TOGARAM2: variants seen among roughly 807,000 people sequenced by gnomAD.
TOGARAM2 encodes TOG array regulator of axonemal microtubules 2.
TOGARAM2 carries 85 observed loss-of-function variants against 93.3 expected under a neutral mutation model. That is an observed-to-expected ratio of 0.91 (90% CI 0.76 to 1.09). TOGARAM2 has a LOEUF of 1.09. TOGARAM2 is among the 50% of genes least tolerant of loss of function. The pLI is 0.00. For missense variants in TOGARAM2, 1,277 were observed against 1,334.5 expected, an observed-to-expected ratio of 0.96 and a Z score of 0.67; for synonymous variants, 593 against 552.8, an observed-to-expected ratio of 1.07 and a Z score of -1.02.
intron 1 of TOGARAM2, among the ~76,000 whole-genome samples, chr2:28,958,486 T>TGTAGA (rs1671757082): frequency 6.6e-6 from 1 of 152,082 alleles, no homozygotes; most frequent in Non-Finnish European, 1.5e-5. Context: ...TTAAATTTTT[T>TGTAGA]GTAGAGTTGG....
At chr2:29,041,601 CAG>C (rs1458320913) in intron 18 of TOGARAM2, among the ~76,000 whole-genome samples, 1 of 152,194 alleles carries the variant, frequency 6.6e-6, no homozygotes, top group Non-Finnish European at 1.5e-5. Context: ...CTGGTAGCCT[CAG>C]GGCTTGGCTG....
In TOGARAM2 at chr2:29,024,403, G is replaced by A. The variant is rs186590906; in HGVS notation, c.1853+29G>A. 124 of 1,572,908 alleles carry A rather than the reference G, an allele frequency of 7.9e-5. 1 individual carries two copies. In the African/African-American group the frequency reaches 1.3e-3, roughly 17 times the overall value. ...TGTGGCTGCCTGTTGTCTGAGGGGC[G>A]GGGAAGTCAGGGAAGGTAAGGCAAG... On this transcript the variant is annotated intron_variant, in intron 13 of 19. Coordinates refer to ENST00000379558, the MANE Select transcript of TOGARAM2 (RefSeq NM_199280.4).
At chr2:28,958,773 T>A (rs757908212) in intron 1 of TOGARAM2, among the ~76,000 whole-genome samples, 19 of 152,208 alleles carry the variant, frequency 1.2e-4, no homozygotes, top group Admixed American at 3.3e-4. Flanking sequence ...AGAAGTATAA[T>A]ACAAACGTCA....
intron 1 of TOGARAM2, among the ~76,000 whole-genome samples, chr2:28,983,169 T>TATATATAA (rs1428020897): frequency 2.2e-3 from 116 of 51,648 alleles, no homozygotes; most frequent in African/African-American, 4.2e-3. Context: ...TGTGTGTGTG[T>TATATATAA]ATATATAAAT....
chr2:29,037,102 G>A (rs187401946), intron 18 of TOGARAM2, among the ~76,000 whole-genome samples: 21 of 152,218 alleles, frequency 1.4e-4, no homozygotes, highest in African/African-American at 3.4e-4. Flanking sequence ...GGGGCTTGGC[G>A]TGGGGTTTGT....
intron 14 of TOGARAM2, among the ~76,000 whole-genome samples, chr2:29,029,605 A>T (rs1257028460): frequency 1.3e-5 from 2 of 150,016 alleles, no homozygotes; most frequent in African/African-American, 4.9e-5. Context: ...AAATACAAAA[A>T]ATTAGCCAGG....
intron 1 of TOGARAM2, among the ~76,000 whole-genome samples, chr2:28,969,150 T>C (rs1240181343): frequency 6.6e-6 from 1 of 152,212 alleles, no homozygotes; most frequent in Non-Finnish European, 1.5e-5. Context: ...TGATAGGCCG[T>C]GCAGAGAGGT....
intron 4 of TOGARAM2, among the ~76,000 whole-genome samples, chr2:29,000,292 T>C (rs933178229): frequency 6.6e-6 from 1 of 152,186 alleles, no homozygotes; most frequent in East Asian, 1.9e-4. Context: ...AGGCACTTTA[T>C]ACTGTCTCTC....
intron 16 of TOGARAM2, among the ~76,000 whole-genome samples, chr2:29,033,923 T>A (rs1665931249): frequency 6.6e-6 from 1 of 152,120 alleles, no homozygotes; most frequent in Non-Finnish European, 1.5e-5. Flanking sequence ...AGCCTGGGAC[T>A]AGTTCAGAGG....
chr2:28,996,812 A>G (rs1377669067), intron 2 of TOGARAM2, among the ~76,000 whole-genome samples: 1 of 151,316 alleles, frequency 6.6e-6, no homozygotes, highest in Non-Finnish European at 1.5e-5. Context: ...AAAAAAAAAA[A>G]AAAAAAAAAA....
chr2:29,022,993 G>A (rs1312560164), intron 11 of TOGARAM2, 93 bp from the exon 12 acceptor site: 14 of 1,011,926 alleles, frequency 1.4e-5, no homozygotes, highest in Non-Finnish European at 1.8e-5. Context: ...ACGGTGGACC[G>A]TGATGGTGTG....
At chr2:29,041,164 A>G (rs1666413819) in intron 18 of TOGARAM2, among the ~76,000 whole-genome samples, 1 of 151,842 alleles carries the variant, frequency 6.6e-6, no homozygotes, top group Non-Finnish European at 1.5e-5. Flanking sequence ...AGCTGGGATT[A>G]CAGGTGCATG....
chr2:29,004,763 T>G (rs1260681046), intron 6 of TOGARAM2, among the ~76,000 whole-genome samples: 1 of 151,778 alleles, frequency 6.6e-6, no homozygotes, highest in Non-Finnish European at 1.5e-5. Flanking sequence ...TCTGAGTGTG[T>G]GTGTGCATGA....
upstream of TOGARAM2, among the ~76,000 whole-genome samples, chr2:28,979,600 G>A (rs1461220731): frequency 6.6e-6 from 1 of 152,208 alleles, no homozygotes; most frequent in East Asian, 1.9e-4. Flanking sequence ...AGGGCAGGCT[G>A]TGCTGCCTCC....
rs373611046 is a variant in TOGARAM2, at chr2:29,024,152, G to A, written c.1631G>A (p.Arg544Gln). Reference protein sequence around the residue: ...LVVTGEVTNLRSKVSHLAIST... With the variant: ...LVVTGEVTNLQSKVSHLAIST... Reference sequence around the variant, plus strand: ...CCTCTCTCCAAGGTCACCAACCTGCGGTCCAAGGTGTCTCACCTGGCCATC... The same window carrying A: ...CCTCTCTCCAAGGTCACCAACCTGCAGTCCAAGGTGTCTCACCTGGCCATC... The change falls in exon 13 of 20, where the codon CGG becomes CAG. Residue 544 changes from arginine to glutamine, a missense_variant. By Grantham distance (43) the Arg-to-Gln change is conservative. Coordinates refer to ENST00000379558, the MANE Select transcript of TOGARAM2 (RefSeq NM_199280.4). 2.2e-5 allele frequency: 35 copies of A among 1,578,576 alleles called. No homozygotes were observed. Among genetic ancestry groups the A allele is most frequent in the South Asian group, 8.1e-5 (7 of 85,972 alleles).
chr2:28,980,148 C>T (rs765567888), upstream of TOGARAM2, among the ~76,000 whole-genome samples: 7 of 152,182 alleles, frequency 4.6e-5, no homozygotes, highest in Admixed American at 1.3e-4. Flanking sequence ...GAGTTCCGTT[C>T]GCCTTGTCAG....
intron 14 of TOGARAM2, chr2:29,032,678 C>A: frequency 2.4e-6 from 1 of 415,208 alleles, no homozygotes; most frequent in Non-Finnish European, 4.3e-6. Context: ...ATTCTGATAT[C>A]AACTAGAAAG....
At chr2:29,005,385 G>GTGA in intron 6 of TOGARAM2, among the ~76,000 whole-genome samples, 1 of 94,270 alleles carries the variant, frequency 1.1e-5, no homozygotes, top group Admixed American at 1.2e-4. Flanking sequence ...CATGTATGTG[G>GTGA]GTGCATGTAT....
chr2:29,041,320 G>A (rs547648796), intron 18 of TOGARAM2, among the ~76,000 whole-genome samples: 55 of 152,168 alleles, frequency 3.6e-4, no homozygotes, highest in African/African-American at 1.2e-3. Context: ...CATTGCGCCC[G>A]GCCTTGAGTC....
Sources: allele counts gnomAD v4.1 joint callset (sites outside exome capture counted in the v4.1 genomes callset), GRCh38; gene constraint gnomAD v4.1.1; transcripts MANE v1.5; gene names NCBI Gene and HGNC (gene_info 2026-07-23, HGNC 2026-07-21).